ADCY2: variants seen among roughly 807,000 people sequenced by gnomAD.
The protein encoded by ADCY2 is adenylate cyclase 2, also known as adenylate cyclase type 2.
ADCY2 carries 31 observed loss-of-function variants against 125.2 expected under a neutral mutation model. The ratio of observed to expected loss-of-function variants is 0.25; its 90% CI spans 0.19 to 0.33. The LOEUF (loss-of-function observed/expected upper bound fraction) is 0.33, where lower values mean the gene tolerates loss of function less well. ADCY2 is among the 10% of genes least tolerant of loss of function. The pLI is 1.00. For missense variants in ADCY2, 904 were observed against 1,418.2 expected (o/e 0.64, Z 5.82); for synonymous variants, 512 against 548.4 (o/e 0.93, Z 0.93).
At chr5:7,467,492 A>G (rs1278499416) in intron 2 of ADCY2, among the ~76,000 whole-genome samples, 1 of 152,196 alleles carries the variant, frequency 6.6e-6, no homozygotes, top group African/African-American at 2.4e-5. Context: ...CATACATGCA[A>G]CTTGTGCTAA....
At position 7,457,065 on chromosome 5, in the gene ADCY2, C is replaced by A. The variant is rs1741699401; in HGVS notation, c.408+42295C>A. ...TCAGAAACTTAAGAGGAGGTCCCAG[C>A]AATCTTCATTTAACAAACTCTACAG... is the stretch of plus-strand genomic sequence containing the variant. On this transcript the variant is annotated intron_variant, in intron 2 of 24. Coordinates refer to ENST00000338316, the MANE Select transcript of ADCY2 (RefSeq NM_020546.3). 2.0e-5 allele frequency among the ~76,000 whole-genome samples: 3 copies of A among 152,246 alleles called. No homozygotes were observed. In the South Asian group the frequency reaches 6.2e-4, roughly 32 times the overall value.
At chr5:7,550,579 C>CT (rs1399443089) in intron 3 of ADCY2, among the ~76,000 whole-genome samples, 4 of 152,330 alleles carry the variant, frequency 2.6e-5, no homozygotes, top group South Asian at 4.1e-4. Flanking sequence ...CTATGTCCCT[C>CT]TTGGCCATGA....
At chr5:7,736,575 A>C (rs554692508) in intron 14 of ADCY2, among the ~76,000 whole-genome samples, 3 of 152,034 alleles carry the variant, frequency 2.0e-5, no homozygotes, top group Non-Finnish European at 2.9e-5. Context: ...AATGTTAACA[A>C]CTCTTCTGGG....
At chr5:7,736,645 C>T (rs1033852297) in intron 14 of ADCY2, among the ~76,000 whole-genome samples, 4 of 152,046 alleles carry the variant, frequency 2.6e-5, no homozygotes, top group African/African-American at 7.2e-5. Flanking sequence ...TTTTAATACC[C>T]TTATTGTTTT....
intron 15 of ADCY2, among the ~76,000 whole-genome samples, chr5:7,744,215 C>T (rs1742528271): frequency 6.6e-6 from 1 of 151,618 alleles, no homozygotes; most frequent in African/African-American, 2.4e-5. Context: ...ACACTGGGGC[C>T]TGTTGGAGGG....
At chr5:7,794,495 A>G (rs1257621541) in intron 20 of ADCY2, 1 of 152,192 alleles carries the variant, frequency 6.6e-6, no homozygotes, top group Non-Finnish European at 1.5e-5. Flanking sequence ...CACTGCATGC[A>G]AAACAGAGCC....
At chr5:7,600,702 T>C (rs779055224) in intron 3 of ADCY2, among the ~76,000 whole-genome samples, 33 of 152,238 alleles carry the variant, frequency 2.2e-4, no homozygotes, top group Non-Finnish European at 4.7e-4. Context: ...CCATCAGTGA[T>C]TCATGACTGG....
intron 3 of ADCY2, among the ~76,000 whole-genome samples, chr5:7,565,139 G>T (rs1363148240): frequency 6.6e-6 from 1 of 152,210 alleles, no homozygotes; most frequent in African/African-American, 2.4e-5. Flanking sequence ...CGGTGGCCCA[G>T]CTCACATGCT....
rs183836488 is a variant in ADCY2, at chr5:7,744,287, T to G, written c.1956+535T>G. Among the ~76,000 whole-genome samples the G allele has an allele frequency of 6.9e-3, 1,043 of 152,134 alleles. 5 individuals carry two copies. Among genetic ancestry groups the G allele is most frequent in the Non-Finnish European group, 0.011 (731 of 68,008 alleles). On this transcript the variant is annotated intron_variant, in intron 15 of 24. Transcript: ENST00000338316. Reference sequence around the variant, plus strand: ...CCTAATGCATGCGGGGCATAAAACCTAGATGATGGGTTCATAGGTGCAGCA... The same window carrying G: ...CCTAATGCATGCGGGGCATAAAACCGAGATGATGGGTTCATAGGTGCAGCA...
chr5:7,745,290 C>T (rs570311550), intron 15 of ADCY2, among the ~76,000 whole-genome samples: 193 of 152,282 alleles, frequency 1.3e-3, no homozygotes, highest in African/African-American at 4.3e-3. Context: ...TTTCCGCAGT[C>T]GACTGTAAGC....
chr5:7,449,809 C>T (rs1276496351), intron 2 of ADCY2, among the ~76,000 whole-genome samples: 2 of 152,182 alleles, frequency 1.3e-5, no homozygotes, highest in African/African-American at 2.4e-5. Context: ...AACCTGTGCT[C>T]ACTTATGTCA....
In ADCY2 at chr5:7,419,574, T is replaced by G. The variant is rs529739888; in HGVS notation, c.408+4804T>G. Among the ~76,000 whole-genome samples, 3 of 152,270 alleles carry G rather than the reference T, an allele frequency of 2.0e-5. No individual in the cohort carries two copies. In the South Asian group the frequency reaches 6.2e-4, roughly 32 times the overall value. On this transcript the variant is annotated intron_variant, in intron 2 of 24. Transcript: ENST00000338316. The stretch of plus-strand genomic sequence containing the variant: ...CCTTCCGAAGGTGAGGCTGACACTT[T>G]TATTCTCCAGTCCCTCTGGAGGTAG...
intron 4 of ADCY2, among the ~76,000 whole-genome samples, chr5:7,629,938 T>C (rs1169185580): frequency 2.6e-5 from 4 of 152,272 alleles, no homozygotes; most frequent in African/African-American, 4.8e-5. Context: ...TGCTATTTCA[T>C]AGAGGGAGAA....
intron 4 of ADCY2, among the ~76,000 whole-genome samples, chr5:7,664,671 GC>G (rs756580219): frequency 3.9e-5 from 6 of 152,104 alleles, no homozygotes; most frequent in Non-Finnish European, 7.3e-5. Context: ...CCTTGAAATT[GC>G]CCTGCAAAGT....
chr5:7,432,154 G>A lies in ADCY2; in HGVS notation c.408+17384G>A, dbSNP rs1415390422. 2.6e-5 allele frequency among the ~76,000 whole-genome samples: 4 copies of A among 152,108 alleles called. No individual in the cohort carries two copies. The East Asian group carries it at 5.8e-4, about 22-fold the overall frequency. On this transcript the variant is annotated intron_variant, in intron 2 of 24. Transcript: ENST00000338316. ...GAGAGGAGTCCGGCTGGGGATGGCTGGACTCTGGGGGAAGATTACTCTTCC... is the reference window on the plus strand; with the variant it reads ...GAGAGGAGTCCGGCTGGGGATGGCTAGACTCTGGGGGAAGATTACTCTTCC...
chr5:7,444,744 C>T (rs566019896), intron 2 of ADCY2, among the ~76,000 whole-genome samples: 1 of 152,268 alleles, frequency 6.6e-6, no homozygotes, highest in South Asian at 2.1e-4. Context: ...TTTTCTTCCC[C>T]AGTAGTGCCT....
chr5:7,409,168 G>A (rs1208549757), intron 1 of ADCY2, among the ~76,000 whole-genome samples: 1 of 152,126 alleles, frequency 6.6e-6, no homozygotes, highest in East Asian at 1.9e-4. Flanking sequence ...TTGTAAGTGG[G>A]AGCTAAATTA....
intron 2 of ADCY2, among the ~76,000 whole-genome samples, chr5:7,447,663 C>T (rs990234585): frequency 6.6e-6 from 1 of 152,078 alleles, no homozygotes; most frequent in Admixed American, 6.6e-5. Flanking sequence ...GTGAAGAGGT[C>T]GAGAGGCAGG....
intron 3 of ADCY2, among the ~76,000 whole-genome samples, chr5:7,562,376 A>G (rs902996130): frequency 6.6e-4 from 101 of 152,104 alleles, no homozygotes; most frequent in Admixed American, 6.0e-3. Flanking sequence ...AAGTGGTGAG[A>G]GTGAGCATCC....
Sources: allele counts gnomAD v4.1 joint callset (sites outside exome capture counted in the v4.1 genomes callset), GRCh38; gene constraint gnomAD v4.1.1; transcripts MANE v1.5; gene names NCBI Gene and HGNC (gene_info 2026-07-23, HGNC 2026-07-21).